F13A1: variants seen among roughly 807,000 people sequenced by gnomAD.
F13A1 encodes the protein coagulation factor XIII A chain.
In F13A1, 47 loss-of-function variants were observed where a neutral mutation model predicts 80.1. That is an observed-to-expected ratio of 0.59 (90% CI 0.46 to 0.75). The LOEUF is 0.75. Ranked by LOEUF, F13A1 falls within the 30% of genes least tolerant of loss-of-function variation. F13A1 has a pLI of 0.00. For missense variants in F13A1, 817 were observed against 930.4 expected, an observed-to-expected ratio of 0.88 and a Z score of 1.59; for synonymous variants, 349 against 344.9, an observed-to-expected ratio of 1.01 and a Z score of -0.13.
At chr6:6,227,926 G>T (rs1757299417) in intron 6 of F13A1, among the ~76,000 whole-genome samples, 1 of 152,158 alleles carries the variant, frequency 6.6e-6, no homozygotes, top group Non-Finnish European at 1.5e-5. Context: ...TTTCTAATTA[G>T]AACATTGATT....
chr6:6,296,958 G>A (rs1267845), intron 3 of F13A1, among the ~76,000 whole-genome samples: 2 of 142,010 alleles, frequency 1.4e-5, no homozygotes, highest in South Asian at 4.4e-4. Flanking sequence ...TAGCATGAAG[G>A]GTTGTTGAAT....
chr6:6,154,810 C>A (rs1395318041), intron 13 of F13A1, among the ~76,000 whole-genome samples: 1 of 152,030 alleles, frequency 6.6e-6, no homozygotes, highest in Admixed American at 6.6e-5. Flanking sequence ...TTAAAAAATA[C>A]AAAATAAAGA....
At chr6:6,296,200 T>G (rs921346920) in intron 3 of F13A1, among the ~76,000 whole-genome samples, 19 of 152,040 alleles carry the variant, frequency 1.2e-4, no homozygotes, top group African/African-American at 4.6e-4. Context: ...GCTTTGTTCT[T>G]TTGGCTTAGG....
chr6:6,197,394 T>C (rs1761310697), intron 8 of F13A1, 68 bp from the exon 9 acceptor site: 1 of 1,483,462 alleles, frequency 6.7e-7, no homozygotes, highest in East Asian at 2.3e-5. Flanking sequence ...GATCAAGAAG[T>C]GACGGCCAGG....
At chr6:6,291,902 C>G (rs1758228782) in intron 3 of F13A1, among the ~76,000 whole-genome samples, 1 of 152,180 alleles carries the variant, frequency 6.6e-6, no homozygotes, top group South Asian at 2.1e-4. Flanking sequence ...ATCTATTGGA[C>G]AGGTTTACCT....
chr6:6,243,766 G>A lies in F13A1; in HGVS notation c.798+4546C>T, dbSNP rs901571035. On this transcript the variant is annotated intron_variant, in intron 6 of 14. Transcript: ENST00000264870. This position sits in a 1 kb window ranked among gnomAD's most constrained non-coding sequence, Gnocchi z 4.2. ...TTGGAGAGTCCTCCCCATTGCACAC[G>A]CTGGTTCAGCATGTGTTTCGACACA... Among the ~76,000 whole-genome samples the A allele has an allele frequency of 1.4e-4, 22 of 152,128 alleles. No homozygotes were observed. Among genetic ancestry groups the A allele is most frequent in the Admixed American group, 9.2e-4 (14 of 15,276 alleles).
intron 13 of F13A1, among the ~76,000 whole-genome samples, chr6:6,161,524 A>ATGTGTGTGTGTG (rs143895728): frequency 0.034 from 4,473 of 133,202 alleles, 86 homozygotes; most frequent in Middle Eastern, 0.044. Context: ...CAGAGAGAGG[A>ATGTGTGTGTGTG]TGTGTGTGTG....
intron 12 of F13A1, among the ~76,000 whole-genome samples, chr6:6,172,193 G>A (rs1292280811): frequency 6.6e-6 from 1 of 152,118 alleles, no homozygotes; most frequent in East Asian, 1.9e-4. Flanking sequence ...TTGCAGATGA[G>A]GAGAGACAGC....
At chr6:6,190,273 G>T (rs1237585870) in intron 10 of F13A1, among the ~76,000 whole-genome samples, 1 of 152,232 alleles carries the variant, frequency 6.6e-6, no homozygotes, top group African/African-American at 2.4e-5. Context: ...GTGAGGAACT[G>T]CGTTCCTTTG....
intron 3 of F13A1, among the ~76,000 whole-genome samples, chr6:6,303,267 A>T (rs1758461686): frequency 6.6e-6 from 1 of 152,210 alleles, no homozygotes; most frequent in Non-Finnish European, 1.5e-5. Context: ...TATTATTTCA[A>T]ATGAACTTTA....
At chr6:6,146,918 T>C (rs1760291566) in intron 14 of F13A1, among the ~76,000 whole-genome samples, 1 of 152,090 alleles carries the variant, frequency 6.6e-6, no homozygotes, top group Non-Finnish European at 1.5e-5. Flanking sequence ...CAAATGCCCA[T>C]CAATGAGTGA....
At chr6:6,165,083 A>G (rs1228425237) in intron 13 of F13A1, among the ~76,000 whole-genome samples, 1 of 152,192 alleles carries the variant, frequency 6.6e-6, no homozygotes, top group African/African-American at 2.4e-5. Context: ...ATGATGCCCC[A>G]TTCCACCTTT....
chr6:6,177,918 G>C (rs1009942381), intron 11 of F13A1, among the ~76,000 whole-genome samples: 1 of 152,092 alleles, frequency 6.6e-6, no homozygotes, highest in Non-Finnish European at 1.5e-5. Flanking sequence ...ACTGCTGGCA[G>C]GTCCCTGGCC....
At chr6:6,190,508 T>TG (rs1228866108) in intron 10 of F13A1, among the ~76,000 whole-genome samples, 1 of 150,370 alleles carries the variant, frequency 6.7e-6, no homozygotes, top group Admixed American at 6.7e-5. Context: ...GTTCCCCTGC[T>TG]GGGGGGTGCC....
intron 2 of F13A1, among the ~76,000 whole-genome samples, chr6:6,313,104 A>G (rs1422130495): frequency 6.6e-6 from 1 of 152,150 alleles, no homozygotes; most frequent in Non-Finnish European, 1.5e-5. Context: ...TGTTCCAGCA[A>G]GCATTGATGA....
rs1457799822 is a variant in F13A1 at position 6,162,134 on chromosome 6, G to C, written c.1908+5324C>G. 6.6e-6 allele frequency among the ~76,000 whole-genome samples: 1 copy of C among 152,148 alleles called. No homozygotes were observed. The highest frequency in any genetic ancestry group is 2.4e-5 in the African/African-American group (1 of 41,422). ...ACAATCATGTTACATTCCCACTCTA[G>C]AAACTCCCTTGAAGCCTCTTTGTTC... On this transcript the variant is annotated intron_variant, in intron 13 of 14. Coordinates refer to ENST00000264870, the MANE Select transcript of F13A1 (RefSeq NM_000129.4). This position sits in a 1 kb window ranked among gnomAD's most constrained non-coding sequence, Gnocchi z 4.2.
chr6:6,319,017 G>T (rs570304321), intron 1 of F13A1, among the ~76,000 whole-genome samples: 2 of 152,134 alleles, frequency 1.3e-5, no homozygotes, highest in Non-Finnish European at 2.9e-5. Context: ...CAGCATCTTC[G>T]CAAGAAATGT....
chr6:6,303,053 A>G (rs1158757367), intron 3 of F13A1, among the ~76,000 whole-genome samples: 1 of 152,228 alleles, frequency 6.6e-6, no homozygotes, highest in Non-Finnish European at 1.5e-5. Context: ...GTAAAAACAA[A>G]CAAGCAAACA....
intron 2 of F13A1, among the ~76,000 whole-genome samples, chr6:6,309,441 G>C (rs186677242): frequency 1.3e-5 from 2 of 152,298 alleles, no homozygotes; most frequent in East Asian, 3.9e-4. Context: ...TGTGGAAAGG[G>C]GGGTGGAGAG....
Sources: allele counts gnomAD v4.1 joint callset (sites outside exome capture counted in the v4.1 genomes callset), GRCh38; gene constraint gnomAD v4.1.1; non-coding constraint Gnocchi (gnomAD v3.1); transcripts MANE v1.5; gene names NCBI Gene and HGNC (gene_info 2026-07-23, HGNC 2026-07-21).